RAB5A: variants seen among roughly 807,000 people sequenced by gnomAD.
RAB5A encodes the protein RAB5A, member RAS oncogene family, also known as ras-related protein Rab-5A.
RAB5A carries 8 observed loss-of-function variants against 25.7 expected under a neutral mutation model. The ratio of observed to expected loss-of-function variants is 0.31; its 90% CI spans 0.18 to 0.56. The LOEUF (loss-of-function observed/expected upper bound fraction) is 0.56. Among genes scored for constraint, RAB5A ranks in the 20% least tolerant of loss-of-function variants. The pLI is 0.91. For missense variants in RAB5A, 192 were observed against 259.7 expected, an observed-to-expected ratio of 0.74 and a Z score of 1.79; for synonymous variants, 98 against 89.8, an observed-to-expected ratio of 1.09 and a Z score of -0.52.
intron 2 of RAB5A, 58 bp downstream of exon 2, chr3:19,951,119 T>C (rs1559484909): frequency 3.8e-6 from 6 of 1,565,986 alleles, no homozygotes; most frequent in Non-Finnish European, 5.2e-6. Flanking sequence ...ACAGAAAATA[T>C]TTTGATGTTC....
chr3:19,964,933 C>A (rs1035107369), intron 2 of RAB5A, among the ~76,000 whole-genome samples: 16 of 109,498 alleles, frequency 1.5e-4, no homozygotes, highest in African/African-American at 4.7e-4. Flanking sequence ...TACTTACTTA[C>A]TTTATTTATT....
rs79708928 is a variant in RAB5A at position 19,983,742 on chromosome 3, A to G, written c.567A>G (p.Pro189=). 2,279 of 1,612,280 alleles carry G rather than the reference A, an allele frequency of 1.4e-3. 29 individuals are homozygous for G. In the African/African-American group the frequency reaches 0.022, roughly 16 times the overall value. ...KKLPKNEPQN[P]GANSARGRGV... ...TGCCAAAGAATGAACCACAAAATCC[A>G]GGAGCAAATTCTGCCAGAGGAAGAG... Residue 189 remains proline (P), a synonymous_variant, in exon 6 of 6, where the codon CCA becomes CCG. Transcript: ENST00000273047.
chr3:19,958,713 A>G (rs962080529), intron 2 of RAB5A, among the ~76,000 whole-genome samples: 1 of 152,198 alleles, frequency 6.6e-6, no homozygotes, highest in African/African-American at 2.4e-5. Context: ...GCGTGGTGTC[A>G]TGTGCCTGTA....
chr3:19,975,637 CTACAG>C lies in RAB5A; in HGVS notation c.203_207del (p.Thr68LysfsTer3). 1 of 1,613,918 alleles carries C rather than the reference CTACAG, an allele frequency of 6.2e-7. No individual in the cohort carries two copies. The highest frequency in any genetic ancestry group is 8.5e-7 in the Non-Finnish European group (1 of 1,179,914). ...ACCCAAACTGTATGTCTTGATGACA[CTACAG>C]TAAAGTTTGAAATATGGGATACAGC... is the stretch of plus-strand genomic sequence containing the variant. On this transcript the variant is annotated frameshift_variant, in exon 3 of 6. Coordinates refer to ENST00000273047, the MANE Select transcript of RAB5A (RefSeq NM_004162.5). LOFTEE classifies it high-confidence loss of function.
intron 1 of RAB5A, 30 bp from the exon 2 acceptor site, chr3:19,950,776 T>TAA: frequency 1.0e-6 from 1 of 960,206 alleles, no homozygotes; most frequent in Non-Finnish European, 1.5e-6. Context: ...TACTGATTTG[T>TAA]ATATTTAATT....
At chr3:19,970,905 A>G (rs1361774908) in intron 2 of RAB5A, among the ~76,000 whole-genome samples, 1 of 152,204 alleles carries the variant, frequency 6.6e-6, no homozygotes, top group Admixed American at 6.5e-5. Flanking sequence ...TAAACACTGT[A>G]GTGGAATTTG....
intron 2 of RAB5A, among the ~76,000 whole-genome samples, chr3:19,971,516 G>A (rs1696751970): frequency 6.6e-6 from 1 of 152,074 alleles, no homozygotes; most frequent in African/African-American, 2.4e-5. Context: ...TTGTTGCCCA[G>A]GCTGGAGAGC....
At chr3:19,969,029 TGG>T (rs1491478279) in intron 2 of RAB5A, among the ~76,000 whole-genome samples, 40 of 115,846 alleles carry the variant, frequency 3.5e-4, no homozygotes, top group Middle Eastern at 4.3e-3. Flanking sequence ...TTTTTGGTTT[TGG>T]TTTTTTTTTT....
At chr3:19,955,792 G>A (rs766105712) in intron 2 of RAB5A, among the ~76,000 whole-genome samples, 67 of 152,108 alleles carry the variant, frequency 4.4e-4, no homozygotes, top group Admixed American at 2.6e-4. Context: ...TTGGGAGGCT[G>A]AGGCAGGAGA....
At chr3:19,974,475 T>C (rs1343950342) in intron 2 of RAB5A, among the ~76,000 whole-genome samples, 1 of 152,044 alleles carries the variant, frequency 6.6e-6, no homozygotes, top group Non-Finnish European at 1.5e-5. Context: ...TTCCTAGTGT[T>C]AAAATTAGAA....
chr3:19,983,655 T>G, intron 5 of RAB5A, 53 bp from the exon 6 acceptor site: 8 of 1,192,256 alleles, frequency 6.7e-6, no homozygotes, highest in Non-Finnish European at 9.8e-6. Context: ...CAGGTGAAAC[T>G]GATATTAATA....
intron 5 of RAB5A, among the ~76,000 whole-genome samples, chr3:19,980,738 T>G (rs560380574): frequency 6.6e-6 from 1 of 152,310 alleles, no homozygotes; most frequent in East Asian, 1.9e-4. Context: ...GGGCTTTGCT[T>G]GTAAATACAT....
intron 2 of RAB5A, among the ~76,000 whole-genome samples, chr3:19,955,179 G>A (rs529311668): frequency 4.5e-4 from 69 of 152,288 alleles, no homozygotes; most frequent in Non-Finnish European, 6.6e-4. Flanking sequence ...GAAATAGCAA[G>A]CAGACAATCC....
intron 1 of RAB5A, among the ~76,000 whole-genome samples, chr3:19,949,804 C>T (rs567987584): frequency 6.6e-6 from 1 of 152,052 alleles, no homozygotes; most frequent in African/African-American, 2.4e-5. Flanking sequence ...CAGCACTTTG[C>T]GAGGCTGAGG....
intron 1 of RAB5A, among the ~76,000 whole-genome samples, chr3:19,949,464 G>A (rs1696390567): frequency 6.6e-6 from 1 of 152,124 alleles, no homozygotes; most frequent in Admixed American, 6.5e-5. Flanking sequence ...CACCCCCAAA[G>A]TGTTGGGATT....
chr3:19,972,833 G>A (rs532817410), intron 2 of RAB5A, among the ~76,000 whole-genome samples: 1 of 152,272 alleles, frequency 6.6e-6, no homozygotes, highest in South Asian at 2.1e-4. Flanking sequence ...GTGGCCTCTT[G>A]TGTCTTTAAC....
intron 2 of RAB5A, among the ~76,000 whole-genome samples, chr3:19,954,902 C>T (rs1696477414): frequency 6.6e-6 from 1 of 152,068 alleles, no homozygotes; most frequent in Non-Finnish European, 1.5e-5. Flanking sequence ...AAATTGCGTG[C>T]CGTAGATTTA....
At chr3:19,971,273 G>A (rs1696747733) in intron 2 of RAB5A, among the ~76,000 whole-genome samples, 1 of 151,624 alleles carries the variant, frequency 6.6e-6, no homozygotes, top group South Asian at 2.1e-4. Flanking sequence ...GTCTTAGGGT[G>A]TATTATGTAT....
chr3:19,969,025 G>T (rs1332270451), intron 2 of RAB5A, among the ~76,000 whole-genome samples: 8 of 105,654 alleles, frequency 7.6e-5, no homozygotes, highest in African/African-American at 2.2e-4. Flanking sequence ...GTGTTTTTTG[G>T]TTTTGGTTTT....
Sources: gnomAD v4.1 joint callset for allele counts (sites outside exome capture counted in the v4.1 genomes callset) on GRCh38, gnomAD v4.1.1 for gene constraint, MANE v1.5 for transcripts, NCBI Gene and HGNC (gene_info 2026-07-23, HGNC 2026-07-21) for gene names.